Variants in KLHDC4 observed in about 807,000 individuals in gnomAD.
KLHDC4 encodes kelch domain containing 4.
A neutral mutation model predicts 62.4 loss-of-function variants in KLHDC4; 90 were observed. The ratio of observed to expected loss-of-function variants is 1.44; its 90% CI spans 1.22 to 1.72. The LOEUF (loss-of-function observed/expected upper bound fraction) is 1.72. Ranked by LOEUF, KLHDC4 falls within the 40% of genes most tolerant of loss-of-function variation. The probability of loss-of-function intolerance (pLI) is 0.00; values close to 1 mark genes in which losing one functional copy is unlikely to be tolerated. For missense variants in KLHDC4, 1,025 were observed against 699.7 expected (o/e 1.47, Z -5.25); for synonymous variants, 386 against 284.4 (o/e 1.36, Z -3.59).
chr16:87,755,722 AC>A (rs2044773466), intron 3 of KLHDC4: 1 of 176,992 alleles, frequency 5.6e-6, no homozygotes, highest in Non-Finnish European at 1.2e-5. Context: ...CCGCCACCAC[AC>A]CCCGCTAATT....
intron 4 of KLHDC4, among the ~76,000 whole-genome samples, chr16:87,754,295 G>A (rs533002679): frequency 6.6e-6 from 1 of 151,940 alleles, no homozygotes; most frequent in East Asian, 1.9e-4. Flanking sequence ...GCAATGAGCC[G>A]AAATCAGGCC....
In KLHDC4 at chr16:87,755,275, C is replaced by A. The variant is rs1214618313; in HGVS notation, c.288G>T (p.Glu96Asp). 1.9e-6 allele frequency: 3 copies of A among 1,600,378 alleles called. No homozygotes were observed. Among genetic ancestry groups the A allele is most frequent in the Admixed American group, 3.3e-5 (2 of 59,764 alleles). The change falls in exon 4 of 12, where the codon GAG becomes GAT. Residue 96 changes from glutamate (E) to aspartate (D), a missense_variant. By Grantham distance (45) the Glu-to-Asp change is conservative (BLOSUM62 2). Coordinates refer to ENST00000270583, the MANE Select transcript of KLHDC4 (RefSeq NM_017566.4). ...CCTTTCTGGTATTGTAGACATAGAG[C>A]TCGTTATACAAAAAAGTCTACAGGA... The part of the protein sequence containing the change: ...FNGQKTFLYN[E>D]LYVYNTRKDT...
Position 87,711,091 on chromosome 16 carries a change from C to A in KLHDC4, c.1044+144G>T, listed in dbSNP as rs938578149. 2.2e-5 allele frequency: 16 copies of A among 721,082 alleles called. 1 individual carries two copies. Among genetic ancestry groups the A allele is most frequent in the Non-Finnish European group, 3.2e-5 (14 of 431,784 alleles). 44.7% of individuals were successfully genotyped at this position (721,082 alleles called of 1,614,324 possible). A position where few individuals can be genotyped will look rare whatever the true frequency, so the allele number is the denominator to read the frequency against. Reference sequence around the variant, plus strand: ...TCCAAGCCTAGTCACCCAGGACAGTCAGAGACGGAACCCTCGCCCCTCTTG... The same window carrying A: ...TCCAAGCCTAGTCACCCAGGACAGTAAGAGACGGAACCCTCGCCCCTCTTG... On this transcript the variant is annotated intron_variant, in intron 9 of 11. Coordinates refer to ENST00000270583, the MANE Select transcript of KLHDC4 (RefSeq NM_017566.4).
In KLHDC4 at chr16:87,709,397, C is replaced by A. The variant is rs774334675; in HGVS notation, c.1315G>T (p.Val439Leu). 1 of 1,613,384 alleles carries A rather than the reference C, an allele frequency of 6.2e-7. No homozygotes were observed. The highest frequency in any genetic ancestry group is 1.7e-5 in the Admixed American group (1 of 60,028). ...PCPRSNAMLA[V>L]KHGVLYVYGG... ...TAGACGTAGAGCACCCCATGCTTCA[C>A]AGCCAGCATGGCGTTGGAGCGTGGA... The change falls in exon 10 of 12, where the codon GTG becomes TTG. Residue 439 changes from valine to leucine, a missense_variant. Coordinates refer to ENST00000270583, the MANE Select transcript of KLHDC4 (RefSeq NM_017566.4).
chr16:87,708,777 T>C lies in KLHDC4; in HGVS notation c.1448-311A>G, dbSNP rs2035171085. Among the ~76,000 whole-genome samples the C allele has an allele frequency of 2.0e-5, 3 of 152,182 alleles. No individual in the cohort carries two copies. The South Asian group carries it at 6.2e-4, about 32-fold the overall frequency. On this transcript the variant is annotated intron_variant, in intron 10 of 11. Transcript: ENST00000270583. ...TTCTCACAAAACAGCAAACATCCTG[T>C]GCCAACAGTTCACCACCTTTCCCTA... is the stretch of plus-strand genomic sequence containing the variant.
chr16:87,734,834 C>A (rs1445749765), intron 5 of KLHDC4, among the ~76,000 whole-genome samples: 1 of 152,118 alleles, frequency 6.6e-6, no homozygotes, highest in African/African-American at 2.4e-5. Flanking sequence ...CAGGGGACAG[C>A]ACCATCCAGC....
At chr16:87,747,978 C>T (rs577100557) in intron 5 of KLHDC4, among the ~76,000 whole-genome samples, 3 of 152,292 alleles carry the variant, frequency 2.0e-5, no homozygotes, top group East Asian at 1.9e-4. Flanking sequence ...GGGTCATGGC[C>T]GCAGCAATCG....
chr16:87,756,114 G>A (rs1375989579), intron 3 of KLHDC4: 2 of 283,908 alleles, frequency 7.0e-6, no homozygotes, highest in East Asian at 6.1e-5. Context: ...AGGAAGAACA[G>A]CACAGACAAC....
At chr16:87,742,253 C>G (rs902278442) in intron 5 of KLHDC4, among the ~76,000 whole-genome samples, 5 of 152,188 alleles carry the variant, frequency 3.3e-5, no homozygotes, top group Admixed American at 3.3e-4. Context: ...CCGCCTGCAC[C>G]CTTCAGTCCC....
chr16:87,708,716 G>A (rs1053820844), intron 10 of KLHDC4, among the ~76,000 whole-genome samples: 29 of 152,166 alleles, frequency 1.9e-4, no homozygotes, highest in Non-Finnish European at 2.6e-4. Context: ...GCTGGCCAAC[G>A]GGGCCTCCTG....
At chr16:87,759,932 T>TC (rs1426383067) in intron 2 of KLHDC4, among the ~76,000 whole-genome samples, 1 of 152,106 alleles carries the variant, frequency 6.6e-6, no homozygotes, top group Non-Finnish European at 1.5e-5. Context: ...GCAGGTGAGG[T>TC]ACTGAGGCAG....
chr16:87,699,035 A>T lies in KLHDC4; in HGVS notation c.*2604T>A, dbSNP rs962635997. The T allele has an allele frequency of 2.0e-5, 3 of 152,354 alleles. No individual in the cohort carries two copies. The East Asian group carries it at 5.8e-4, about 29-fold the overall frequency. 9.4% of individuals were successfully genotyped at this position (152,354 alleles called of 1,614,324 possible). The stretch of plus-strand genomic sequence containing the variant: ...CGGTCTGCGGGGGGTGGGTGTGGAC[A>T]GCCCATGGGCCAGGCTGGCGTCTCC... On this transcript the variant is annotated 3_prime_UTR_variant, in exon 1 of 1. Transcript: ENST00000446344.
intron 6 of KLHDC4, 82 bp downstream of exon 6, chr16:87,730,470 G>T: frequency 8.6e-7 from 1 of 1,162,850 alleles, no homozygotes; most frequent in Non-Finnish European, 1.2e-6. Context: ...CGTCTTTCTT[G>T]TGTATTCAGA....
chr16:87,702,189 C>A (rs1032822414), exon 1 of KLHDC4: 7 of 456,198 alleles, frequency 1.5e-5, no homozygotes, highest in African/African-American at 1.4e-4. Context: ...CCAACCTTGA[C>A]AACCCAAGGG....
intron 4 of KLHDC4, among the ~76,000 whole-genome samples, chr16:87,752,430 T>C (rs1355487130): frequency 1.3e-5 from 2 of 150,080 alleles, no homozygotes. Flanking sequence ...CCAACGCCCC[T>C]GGTTCAAGCG....
chr16:87,758,958 C>T (rs573037935), intron 2 of KLHDC4, among the ~76,000 whole-genome samples: 2 of 152,082 alleles, frequency 1.3e-5, no homozygotes, highest in Non-Finnish European at 2.9e-5. Context: ...GGCGGATCAC[C>T]TGAGGTGGGG....
intron 5 of KLHDC4, among the ~76,000 whole-genome samples, chr16:87,732,571 A>C (rs1410695182): frequency 1.3e-5 from 2 of 152,236 alleles, no homozygotes; most frequent in African/African-American, 4.8e-5. Flanking sequence ...ATCACACACA[A>C]ATAACACATA....
At chr16:87,762,153 G>C in intron 1 of KLHDC4, 113 bp from the exon 2 acceptor site, 1 of 1,527,958 alleles carries the variant, frequency 6.5e-7, no homozygotes, top group African/African-American at 1.4e-5. Flanking sequence ...AGTCACATCT[G>C]TGAATTGCAA....
chr16:87,743,322 TG>T (rs1321016148), intron 5 of KLHDC4, among the ~76,000 whole-genome samples: 3 of 152,140 alleles, frequency 2.0e-5, no homozygotes, highest in Admixed American at 6.5e-5. Flanking sequence ...CTCAAACTCC[TG>T]GGCTCAAGTG....
Sources: gnomAD v4.1 joint callset for allele counts (sites outside exome capture counted in the v4.1 genomes callset) on GRCh38, gnomAD v4.1.1 for gene constraint, MANE v1.5 for transcripts, NCBI Gene and HGNC (gene_info 2026-07-23, HGNC 2026-07-21) for gene names.